The following CSGALNACT2 variants were observed in gnomAD, a reference collection of about 807,000 sequenced individuals.
CSGALNACT2 encodes the protein beta 4 GalNAcT-2.
In CSGALNACT2, 35 loss-of-function variants were observed where a neutral mutation model predicts 55.3. That is an observed-to-expected ratio of 0.63 (90% confidence interval 0.48 to 0.84). The LOEUF (loss-of-function observed/expected upper bound fraction) is 0.84, where lower values mean the gene tolerates loss of function less well. Ranked by LOEUF, CSGALNACT2 falls within the 40% of genes least tolerant of loss-of-function variation. The pLI is 0.00. For missense variants in CSGALNACT2, 544 were observed against 657.5 expected, an observed-to-expected ratio of 0.83 and a Z score of 1.89; for synonymous variants, 196 against 224.9, an observed-to-expected ratio of 0.87 and a Z score of 1.15.
rs1311095488 is a variant in CSGALNACT2 at position 43,155,468 on chromosome 10, A to G, written c.319A>G (p.Ile107Val). 3 of 1,614,246 alleles carry G rather than the reference A, an allele frequency of 1.9e-6. No homozygotes were observed. The highest frequency in any genetic ancestry group is 2.5e-6 in the Non-Finnish European group (3 of 1,180,040). Residue 107 changes from isoleucine to valine, a missense_variant, in exon 2 of 8, where the codon ATA becomes GTA. By Grantham distance (29) the Ile-to-Val change is conservative (BLOSUM62 3). Coordinates refer to ENST00000374466, the MANE Select transcript of CSGALNACT2 (RefSeq NM_018590.5). ...QERRNVGANGIGYQSNKEQAP... is the reference protein window; with the variant it reads ...QERRNVGANGVGYQSNKEQAP... ...AAGAAGGAATGTAGGGGCTAATGGC[A>G]TAGGCTATCAGAGCAACAAAGAGCA...
intron 7 of CSGALNACT2, among the ~76,000 whole-genome samples, chr10:43,178,840 G>A (rs1283802009): frequency 6.6e-6 from 1 of 151,782 alleles, no homozygotes; most frequent in Admixed American, 6.6e-5. Flanking sequence ...TTTCTCCTTT[G>A]ACACTCACTG....
intron 7 of CSGALNACT2, among the ~76,000 whole-genome samples, chr10:43,180,584 G>A (rs1839571861): frequency 6.6e-6 from 1 of 152,074 alleles, no homozygotes; most frequent in Admixed American, 6.5e-5. Flanking sequence ...CAACATCCCT[G>A]CTGTATCTGA....
intron 6 of CSGALNACT2, among the ~76,000 whole-genome samples, chr10:43,171,640 C>T (rs971058553): frequency 6.6e-6 from 1 of 152,132 alleles, no homozygotes; most frequent in Admixed American, 6.5e-5. Flanking sequence ...CATGAGCCAC[C>T]GCACCCGGCC....
At chr10:43,158,992 G>T in intron 3 of CSGALNACT2, 61 bp downstream of exon 3, 1 of 960,988 alleles carries the variant, frequency 1.0e-6, no homozygotes, top group Non-Finnish European at 1.6e-6. Context: ...GTTTTACTCA[G>T]ATTTCCTTAA....
At chr10:43,163,724 G>T in intron 4 of CSGALNACT2, 142 bp from the exon 5 acceptor site, 1 of 1,352,838 alleles carries the variant, frequency 7.4e-7, no homozygotes. Flanking sequence ...CATGAAGCTG[G>T]GATTTTCTTT....
intron 6 of CSGALNACT2, among the ~76,000 whole-genome samples, chr10:43,168,173 C>G (rs981065233): frequency 6.6e-6 from 1 of 152,134 alleles, no homozygotes; most frequent in African/African-American, 2.4e-5. Flanking sequence ...TGCAAGTGGG[C>G]CGGGCATGGT....
At chr10:43,158,007 G>A (rs1386515347) in intron 2 of CSGALNACT2, among the ~76,000 whole-genome samples, 2 of 144,178 alleles carry the variant, frequency 1.4e-5, no homozygotes, top group African/African-American at 5.2e-5. Context: ...CCAGCCTGGT[G>A]ACAGAGTGAG....
At chr10:43,162,859 G>A (rs978474238) in intron 4 of CSGALNACT2, 3 of 979,050 alleles carry the variant, frequency 3.1e-6, no homozygotes, top group Non-Finnish European at 3.6e-6. Flanking sequence ...GGGTTTGGGG[G>A]CCTCACTGTG....
At chr10:43,168,653 C>T (rs1441040660) in intron 6 of CSGALNACT2, among the ~76,000 whole-genome samples, 1 of 144,758 alleles carries the variant, frequency 6.9e-6, no homozygotes, top group Non-Finnish European at 1.5e-5. Flanking sequence ...TTCATATCAA[C>T]ACTTGGCATA....
intron 1 of CSGALNACT2, among the ~76,000 whole-genome samples, chr10:43,141,279 G>C (rs370277177): frequency 1.4e-4 from 21 of 151,672 alleles, no homozygotes; most frequent in Non-Finnish European, 2.4e-4. Flanking sequence ...GTGCAGTGGC[G>C]CCATCTCGGC....
intron 6 of CSGALNACT2, among the ~76,000 whole-genome samples, chr10:43,168,055 CA>C (rs1297021249): frequency 2.6e-5 from 4 of 151,910 alleles, no homozygotes; most frequent in African/African-American, 9.7e-5. Flanking sequence ...TGAGATAAAT[CA>C]ATTTTATAGG....
intron 6 of CSGALNACT2, among the ~76,000 whole-genome samples, chr10:43,171,931 C>G (rs958198834): frequency 1.3e-5 from 2 of 152,146 alleles, no homozygotes; most frequent in African/African-American, 4.8e-5. Flanking sequence ...AAATAGTCAG[C>G]CTTACTAGGA....
intron 7 of CSGALNACT2, among the ~76,000 whole-genome samples, chr10:43,179,792 A>G (rs748708343): frequency 6.6e-6 from 1 of 152,226 alleles, no homozygotes. Context: ...TAGCTGGCCT[A>G]CAGTTTAGCT....
At chr10:43,183,001 A>C (rs976532622) in intron 7 of CSGALNACT2, among the ~76,000 whole-genome samples, 29 of 152,152 alleles carry the variant, frequency 1.9e-4, no homozygotes, top group Admixed American at 6.5e-4. Context: ...AAATTTACAA[A>C]GTGTTCTTAA....
At chr10:43,153,893 C>T (rs1357262270) in intron 1 of CSGALNACT2, among the ~76,000 whole-genome samples, 5 of 152,036 alleles carry the variant, frequency 3.3e-5, no homozygotes. Context: ...CATGTTTTTT[C>T]TTTATATAGA....
intron 4 of CSGALNACT2, chr10:43,162,838 G>A: frequency 1.1e-6 from 1 of 947,240 alleles, no homozygotes; most frequent in Non-Finnish European, 1.3e-6. Context: ...AACACAGGAA[G>A]CTGATGCTGT....
chr10:43,151,514 C>T lies in CSGALNACT2; in HGVS notation c.-253-3383C>T, dbSNP rs768852704. ...TTGGGAACATGCACTAATCCTGGCCCTGTATGAATGCTGGGTTCTGTGTCC... is the reference window on the plus strand; with the variant it reads ...TTGGGAACATGCACTAATCCTGGCCTTGTATGAATGCTGGGTTCTGTGTCC... On this transcript the variant is annotated intron_variant, in intron 1 of 7. Transcript: ENST00000374466. Among the ~76,000 whole-genome samples, 15 of 152,114 alleles carry T rather than the reference C, an allele frequency of 9.9e-5. 1 individual carries two copies. The highest frequency in any genetic ancestry group is 2.2e-4 in the Non-Finnish European group (15 of 68,024).
intron 6 of CSGALNACT2, among the ~76,000 whole-genome samples, chr10:43,171,559 G>A (rs1033207983): frequency 8.5e-5 from 13 of 152,090 alleles, no homozygotes; most frequent in African/African-American, 2.7e-4. Flanking sequence ...CACCATGTTG[G>A]CCAGACTGGT....
At chr10:43,176,926 G>T (rs567906660) in intron 7 of CSGALNACT2, among the ~76,000 whole-genome samples, 2 of 152,150 alleles carry the variant, frequency 1.3e-5, no homozygotes, top group Non-Finnish European at 2.9e-5. Context: ...AATAAAGCAG[G>T]CTGAAACCTG....
Sources: gnomAD v4.1 joint callset for allele counts (sites outside exome capture counted in the v4.1 genomes callset) on GRCh38, gnomAD v4.1.1 for gene constraint, MANE v1.5 for transcripts, NCBI Gene and HGNC (gene_info 2026-07-23, HGNC 2026-07-21) for gene names.